INSR: variants seen among roughly 807,000 people sequenced by gnomAD.
INSR encodes the protein IR.
In INSR, 67 loss-of-function variants were observed where a neutral mutation model predicts 142.6. The observed-to-expected ratio is 0.47, with a 90% CI of 0.39 to 0.58. The LOEUF is 0.58. Among genes scored for constraint, INSR ranks in the 20% least tolerant of loss-of-function variants. The pLI, the probability that INSR is intolerant of heterozygous loss-of-function variation, is 0.00. For synonymous variants in INSR, 756 were observed against 743.1 expected, an observed-to-expected ratio of 1.02 and a Z score of -0.28; for missense variants, 1,248 against 1,833.2, an observed-to-expected ratio of 0.68 and a Z score of 5.83.
At chr19:7,250,320 A>C (rs1169148660) in intron 2 of INSR, among the ~76,000 whole-genome samples, 1 of 148,828 alleles carries the variant, frequency 6.7e-6, no homozygotes, top group South Asian at 2.2e-4. Flanking sequence ...AGAAAAATGA[A>C]AGGAAGAGAG....
intron 2 of INSR, among the ~76,000 whole-genome samples, chr19:7,227,790 G>A (rs898824054): frequency 7.3e-5 from 11 of 151,320 alleles, no homozygotes; most frequent in Non-Finnish European, 1.2e-4. Flanking sequence ...AACCACAGTC[G>A]CGGTACAGAT....
At chr19:7,147,422 G>C (rs912570324) in intron 11 of INSR, among the ~76,000 whole-genome samples, 13 of 152,108 alleles carry the variant, frequency 8.5e-5, no homozygotes, top group African/African-American at 1.2e-4. Context: ...TGATCCGCCT[G>C]CCTGGGCCTC....
intron 2 of INSR, among the ~76,000 whole-genome samples, chr19:7,197,345 T>G (rs1235166834): frequency 6.8e-6 from 1 of 147,850 alleles, no homozygotes; most frequent in Non-Finnish European, 1.5e-5. Context: ...AGTAAGCGAG[T>G]GAGTGAGTGA....
At position 7,116,767 on chromosome 19, in the gene INSR, T is replaced by TG; in HGVS notation, c.*288dup. 4.4e-6 allele frequency: 1 copy of TG among 227,786 alleles called. No individual in the cohort carries two copies. The highest frequency in any genetic ancestry group is 2.9e-5 in the African/African-American group (1 of 34,558). 14.1% of individuals were successfully genotyped at this position (227,786 alleles called of 1,614,324 possible). A position where few individuals can be genotyped will look rare whatever the true frequency, so the allele number is the denominator to read the frequency against. On this transcript the variant is annotated 3_prime_UTR_variant, in exon 22 of 22. Transcript: ENST00000302850. ...TTTCTTTCCATCTGCTGGGGGCGGG[T>TG]GGGGGGAACGAAAAAACACAAAATC...
In INSR at chr19:7,266,499, C is replaced by G. The variant is rs966236489; in HGVS notation, c.652+846G>C. On this transcript the variant is annotated intron_variant, in intron 2 of 21. Transcript: ENST00000302850. Reference sequence around the variant, plus strand: ...CTCCCGGGTTCAAGTGATTCTCCTGCCTCAGCCTCCCAAGTAGCTGGGACT... The same window carrying G: ...CTCCCGGGTTCAAGTGATTCTCCTGGCTCAGCCTCCCAAGTAGCTGGGACT... Among the ~76,000 whole-genome samples the G allele has an allele frequency of 2.6e-5, 4 of 151,998 alleles. No homozygotes were observed. The South Asian group carries it at 8.3e-4, about 32-fold the overall frequency.
chr19:7,267,366 T>C lies in INSR; in HGVS notation c.631A>G (p.Thr211Ala). The C allele has an allele frequency of 6.2e-7, 1 of 1,614,106 alleles. No individual in the cohort carries two copies. The highest frequency in any genetic ancestry group is 8.5e-7 in the Non-Finnish European group (1 of 1,180,032). ...INGQFVERCW[T>A]HSHCQKVCPT... ...GTACCTTTCTGGCAGTGACTATGAGTCCAACATCGTTCGACAAACTGCCCG... is the reference window on the plus strand; with the variant it reads ...GTACCTTTCTGGCAGTGACTATGAGCCCAACATCGTTCGACAAACTGCCCG... Residue 211 changes from threonine (T) to alanine (A), a missense_variant, in exon 2 of 22, where the codon ACT becomes GCT. Thr to Ala is a moderately conservative substitution (Grantham distance 58). Coordinates refer to ENST00000302850, the MANE Select transcript of INSR (RefSeq NM_000208.4). The surrounding 1 kb of genome is among the most constrained non-coding windows in gnomAD (Gnocchi z 6.3).
chr19:7,112,704 C>T lies in INSR; in HGVS notation c.*4352G>A, dbSNP rs1972236274. ...ACCCAGATAGAAATTTGGCTGGTGG[C>T]TGGTTCTGGACCTTGACTAGTATCA... On this transcript the variant is annotated 3_prime_UTR_variant, in exon 22 of 22. Transcript: ENST00000302850. 1 of 152,158 alleles carries T rather than the reference C, an allele frequency of 6.6e-6. No homozygotes were observed. The highest frequency in any genetic ancestry group is 2.4e-5 in the African/African-American group (1 of 41,494). 9.4% of individuals were successfully genotyped at this position (152,158 alleles called of 1,614,324 possible).
chr19:7,190,375 T>G (rs1335607528), intron 2 of INSR, among the ~76,000 whole-genome samples: 1 of 147,696 alleles, frequency 6.8e-6, no homozygotes, highest in Non-Finnish European at 1.5e-5. Flanking sequence ...GGTGGTTTTT[T>G]TTTTTTTTTT....
intron 1 of INSR, among the ~76,000 whole-genome samples, chr19:7,271,769 G>A (rs1199511058): frequency 6.6e-6 from 1 of 151,924 alleles, no homozygotes; most frequent in Non-Finnish European, 1.5e-5. Context: ...CAGCACTTTG[G>A]GAGGTAGAGA....
intron 2 of INSR, among the ~76,000 whole-genome samples, chr19:7,257,758 G>A (rs1976940536): frequency 6.6e-6 from 1 of 152,104 alleles, no homozygotes; most frequent in African/African-American, 2.4e-5. Flanking sequence ...AGGGCAGCTG[G>A]GCTGTATGGC....
Position 7,267,577 on chromosome 19 carries a change from G to T in INSR, c.420C>A (p.Thr140=), listed in dbSNP as rs1184221562. 1.2e-6 allele frequency: 2 copies of T among 1,614,090 alleles called. No homozygotes were observed. The highest frequency in any genetic ancestry group is 1.7e-6 in the Non-Finnish European group (2 of 1,180,012). ...TCTTCTCGATGCGGACAGAACCCCGGGTGATGTTCATCAGGTTGTAGAGGC... is the reference window on the plus strand; with the variant it reads ...TCTTCTCGATGCGGACAGAACCCCGTGTGATGTTCATCAGGTTGTAGAGGC... The part of the protein sequence containing the change: ...ELGLYNLMNI[T]RGSVRIEKNN... Residue 140 remains threonine (T), a synonymous_variant, in exon 2 of 22, where the codon ACC becomes ACA. Transcript: ENST00000302850. The surrounding 1 kb of genome is among the most constrained non-coding windows in gnomAD (Gnocchi z 6.3).
intron 2 of INSR, among the ~76,000 whole-genome samples, chr19:7,196,925 T>A (rs1311482209): frequency 1.3e-5 from 2 of 152,162 alleles, no homozygotes; most frequent in African/African-American, 4.8e-5. Context: ...TTTTATAAAC[T>A]CCTTAAAGTA....
intron 2 of INSR, among the ~76,000 whole-genome samples, chr19:7,238,692 T>C (rs925069394): frequency 6.7e-6 from 1 of 149,040 alleles, no homozygotes; most frequent in Non-Finnish European, 1.5e-5. Context: ...TCATCTCTCG[T>C]CTCAGCCTTC....
chr19:7,239,030 CA>C (rs558348124), intron 2 of INSR, among the ~76,000 whole-genome samples: 1,696 of 122,622 alleles, frequency 0.014, 34 homozygotes, highest in African/African-American at 0.046. Flanking sequence ...ATTATTACTA[CA>C]AAAAAAAAAT....
At chr19:7,172,013 G>C (rs1206340996) in intron 5 of INSR, among the ~76,000 whole-genome samples, 1 of 150,704 alleles carries the variant, frequency 6.6e-6, no homozygotes, top group Admixed American at 6.6e-5. Flanking sequence ...CCAGGTTCAA[G>C]CTATTCTCCT....
rs1022693377 is a variant in INSR at position 7,159,800 on chromosome 19, G to A, written c.2029+3232C>T. On this transcript the variant is annotated intron_variant, in intron 9 of 21. Coordinates refer to ENST00000302850, the MANE Select transcript of INSR (RefSeq NM_000208.4). This position sits in a 1 kb window ranked among gnomAD's most constrained non-coding sequence, Gnocchi z 4.3. ...CTCCCGCCCCTTCTCCCAAAAAGGA[G>A]GCAGACGGTGACTTGCTTGGGAACT... is the stretch of plus-strand genomic sequence containing the variant. Among the ~76,000 whole-genome samples the A allele has an allele frequency of 8.5e-5, 13 of 152,198 alleles. No individual in the cohort carries two copies.
chr19:7,185,841 C>CAAAAAAAAAAAAAAAAAAA (rs754262409), intron 2 of INSR, among the ~76,000 whole-genome samples: 2 of 45,046 alleles, frequency 4.4e-5, no homozygotes, highest in Non-Finnish European at 7.4e-5. Context: ...AAAATTCTGT[C>CAAAAAAAAAAAAAAAAAAA]AAAAAAAAAA....
At position 7,135,416 on chromosome 19, in the gene INSR, A is replaced by G. The variant is rs928472250; in HGVS notation, c.2683-3099T>C. ...CTGCGACCTCCGCCTCCCGAGTTCA[A>G]GCGATTCTCCTGCCTCAGCCTCCTG... On this transcript the variant is annotated intron_variant, in intron 13 of 21. Transcript: ENST00000302850. Among the ~76,000 whole-genome samples, 8 of 143,174 alleles carry G rather than the reference A, an allele frequency of 5.6e-5. No individual in the cohort carries two copies. In the Admixed American group the frequency reaches 5.9e-4, roughly 11 times the overall value. 93.9% of individuals were successfully genotyped at this position (143,174 alleles called of 152,430 possible). A position where few individuals can be genotyped will look rare whatever the true frequency, so the allele number is the denominator to read the frequency against.
At position 7,289,317 on chromosome 19, in the gene INSR, G is replaced by A. The variant is rs142777334; in HGVS notation, c.100+4475C>T. 2.0e-3 allele frequency among the ~76,000 whole-genome samples: 305 copies of A among 152,124 alleles called. 1 individual carries two copies. The highest frequency in any genetic ancestry group is 6.8e-3 in the Middle Eastern group (2 of 294). ...GAAGCTGGACAGGGTGGAGGCTGGA[G>A]GTCAGTGGTAGGTAATGGGGATTGG... On this transcript the variant is annotated intron_variant, in intron 1 of 21. Transcript: ENST00000302850.
Sources: allele counts gnomAD v4.1 joint callset (sites outside exome capture counted in the v4.1 genomes callset), GRCh38; gene constraint gnomAD v4.1.1; non-coding constraint Gnocchi (gnomAD v3.1); transcripts MANE v1.5; gene names NCBI Gene and HGNC (gene_info 2026-07-23, HGNC 2026-07-21).